Variants in SEM1 observed in about 807,000 individuals in gnomAD.
SEM1 encodes the protein 26S proteasome complex subunit SEM1.
A neutral mutation model predicts 12.7 loss-of-function variants in SEM1; 3 were observed. That is an observed-to-expected ratio of 0.24 (90% CI 0.11 to 0.61). The LOEUF (loss-of-function observed/expected upper bound fraction) is 0.61, where lower values mean the gene tolerates loss of function less well. Ranked by LOEUF, SEM1 falls within the 20% of genes least tolerant of loss-of-function variation. The pLI, the probability that SEM1 is intolerant of heterozygous loss-of-function variation, is 0.88. For synonymous variants in SEM1, 30 were observed against 27.8 expected (o/e 1.08, Z -0.25); for missense variants, 59 against 81.3 (o/e 0.73, Z 1.06).
At chr7:96,690,614 A>G (rs1010042233) in intron 2 of SEM1, among the ~76,000 whole-genome samples, 2 of 152,150 alleles carry the variant, frequency 1.3e-5, no homozygotes, top group Non-Finnish European at 2.9e-5. Context: ...GTGAACATAC[A>G]CTATCTGAAA....
At chr7:96,571,604 A>G (rs1341907403) in intron 2 of SEM1, among the ~76,000 whole-genome samples, 1 of 151,580 alleles carries the variant, frequency 6.6e-6, no homozygotes, top group Non-Finnish European at 1.5e-5. Flanking sequence ...ATACATATAT[A>G]TATACATACA....
At chr7:96,512,347 C>T (rs189004154) in intron 2 of SEM1, among the ~76,000 whole-genome samples, 13 of 152,048 alleles carry the variant, frequency 8.5e-5, no homozygotes, top group Non-Finnish European at 1.5e-4. Flanking sequence ...ATGGTATGAT[C>T]CATCTGAGAT....
intron 2 of SEM1, among the ~76,000 whole-genome samples, chr7:96,660,012 T>C (rs910295299): frequency 3.3e-5 from 5 of 151,264 alleles, no homozygotes; most frequent in Non-Finnish European, 7.4e-5. Context: ...GAGTTTCAGA[T>C]TGGATAAAAA....
intron 2 of SEM1, among the ~76,000 whole-genome samples, chr7:96,566,624 T>C (rs1256614087): frequency 6.6e-6 from 1 of 151,644 alleles, no homozygotes. Context: ...ATTCTATTGC[T>C]ATGCAGACAA....
chr7:96,483,990 T>C lies in SEM1; in HGVS notation c.258-2A>G. The C allele has an allele frequency of 6.7e-7, 1 of 1,500,044 alleles. No individual in the cohort carries two copies. Among genetic ancestry groups the C allele is most frequent in the East Asian group, 2.5e-5 (1 of 40,632 alleles). The allele number at this position is 1,500,044 out of a possible 1,614,324, so 92.9% of individuals were successfully genotyped here. A position where few individuals can be genotyped will look rare whatever the true frequency, so the allele number is the denominator to read the frequency against. On this transcript the variant is annotated splice_acceptor_variant, in intron 3 of 3. Transcript: ENST00000356686. LOFTEE classifies it high-confidence loss of function. The stretch of plus-strand genomic sequence containing the variant: ...GGAGCAGTGGAAAGAGTCAGGGACC[T>C]ATGAAGAAGAATGATAAATGCTGTG...
chr7:96,502,042 T>C (rs970505660), intron 3 of SEM1, among the ~76,000 whole-genome samples: 41 of 152,194 alleles, frequency 2.7e-4, no homozygotes, highest in African/African-American at 9.4e-4. Flanking sequence ...TTCATGTTGC[T>C]GCAAAGGACA....
At chr7:96,490,639 G>A (rs1338300843) in intron 1 of SEM1, among the ~76,000 whole-genome samples, 1 of 152,172 alleles carries the variant, frequency 6.6e-6, no homozygotes, top group Non-Finnish European at 1.5e-5. Flanking sequence ...AACTTCAGTT[G>A]CAGAGGTGAT....
downstream of SEM1, among the ~76,000 whole-genome samples, chr7:96,620,510 C>T (rs1298899533): frequency 1.3e-5 from 2 of 152,160 alleles, no homozygotes; most frequent in African/African-American, 2.4e-5. Flanking sequence ...GTGTGTCAGG[C>T]CTGAGGCCCT....
chr7:96,559,438 C>T (rs1459720178), intron 2 of SEM1, among the ~76,000 whole-genome samples: 1 of 152,074 alleles, frequency 6.6e-6, no homozygotes, highest in Non-Finnish European at 1.5e-5. Flanking sequence ...TACACCACCA[C>T]ACCTGGCTAA....
chr7:96,506,416 T>C (rs1803755666), intron 3 of SEM1, among the ~76,000 whole-genome samples: 1 of 152,118 alleles, frequency 6.6e-6, no homozygotes, highest in African/African-American at 2.4e-5. Flanking sequence ...GTGATGTAAT[T>C]AAAATATTAT....
chr7:96,595,177 A>G (rs1464857460), intron 2 of SEM1, among the ~76,000 whole-genome samples: 10 of 152,076 alleles, frequency 6.6e-5, no homozygotes. Flanking sequence ...TTTTTAATCA[A>G]TGATGCTAAA....
At chr7:96,707,296 G>A (rs1790496044) in intron 1 of SEM1, among the ~76,000 whole-genome samples, 1 of 152,190 alleles carries the variant, frequency 6.6e-6, no homozygotes, top group Admixed American at 6.5e-5. Flanking sequence ...ATTCTTTGGT[G>A]ATATTTTCTG....
intron 2 of SEM1, among the ~76,000 whole-genome samples, chr7:96,658,416 C>T (rs189378122): frequency 1.1e-3 from 172 of 152,236 alleles, no homozygotes; most frequent in African/African-American, 4.0e-3. Context: ...GGCATATGGT[C>T]TTTTAATTTC....
At chr7:96,622,627 G>A (rs756313109) in exon 3 of SEM1, 1 of 764,704 alleles carries the variant, frequency 1.3e-6, no homozygotes, top group African/African-American at 1.7e-5. Flanking sequence ...TATTCCTCCA[G>A]TTCACTGTAT....
intron 2 of SEM1, among the ~76,000 whole-genome samples, chr7:96,551,487 G>T (rs1219475899): frequency 2.0e-5 from 3 of 151,978 alleles, no homozygotes; most frequent in African/African-American, 7.3e-5. Flanking sequence ...ATCACTTGAG[G>T]TCAGGAGTTC....
chr7:96,584,146 C>G (rs1563071992), intron 2 of SEM1, among the ~76,000 whole-genome samples: 1 of 151,994 alleles, frequency 6.6e-6, no homozygotes, highest in Non-Finnish European at 1.5e-5. Context: ...TTCAGGAGCT[C>G]TTTTTGGGTA....
At chr7:96,652,434 C>T (rs1272234118) in intron 2 of SEM1, among the ~76,000 whole-genome samples, 1 of 151,238 alleles carries the variant, frequency 6.6e-6, no homozygotes, top group Non-Finnish European at 1.5e-5. Flanking sequence ...ATCTTCTCTT[C>T]TTTGTAAAAA....
At chr7:96,698,581 A>G (rs1487264481) in intron 1 of SEM1, among the ~76,000 whole-genome samples, 3 of 152,108 alleles carry the variant, frequency 2.0e-5, no homozygotes, top group African/African-American at 7.2e-5. Context: ...CATGTCCCTA[A>G]AAAGGACAAG....
downstream of SEM1, among the ~76,000 whole-genome samples, chr7:96,685,802 A>T (rs1789745876): frequency 6.6e-6 from 1 of 151,382 alleles, no homozygotes; most frequent in Non-Finnish European, 1.5e-5. Flanking sequence ...AAAAAAAAAA[A>T]TTGATTGATT....
Sources: gnomAD v4.1 joint callset for allele counts (sites outside exome capture counted in the v4.1 genomes callset) on GRCh38, gnomAD v4.1.1 for gene constraint, MANE v1.5 for transcripts, NCBI Gene and HGNC (gene_info 2026-07-23, HGNC 2026-07-21) for gene names.